Variants in FXR2 observed in about 807,000 individuals in gnomAD.
FXR2 encodes FMR1 autosomal homolog 2.
FXR2 carries 9 observed loss-of-function variants against 87.3 expected under a neutral mutation model. The ratio of observed to expected loss-of-function variants is 0.10; its 90% CI spans 0.06 to 0.18. The LOEUF (loss-of-function observed/expected upper bound fraction) is 0.18. FXR2 is among the 10% of genes least tolerant of loss of function. FXR2 has a pLI of 1.00. For missense variants in FXR2, 661 were observed against 893.6 expected (o/e 0.74, Z 3.32); for synonymous variants, 331 against 328.3 (o/e 1.01, Z -0.09).
Position 7,603,820 on chromosome 17 carries a change from G to C in FXR2, c.386C>G (p.Pro129Arg). ...GAAGAAGCTGCCTTTGGTTGCAAGG[G>C]GATTGGGATTAACTGGCCGAAGTCG... is the stretch of plus-strand genomic sequence containing the variant. ...LERLRPVNPN[P>R]LATKGSFFKV... The change falls in exon 5 of 17, where the codon CCC becomes CGC. Residue 129 changes from proline to arginine, a missense_variant. Around this residue, in one of 3 missense-constraint regions of FXR2, gnomAD observed 170 missense variants for 247.2 expected, o/e 0.69. Coordinates refer to ENST00000250113, the MANE Select transcript of FXR2 (RefSeq NM_004860.4). 1.2e-6 allele frequency: 2 copies of C among 1,613,934 alleles called. No homozygotes were observed. The highest frequency in any genetic ancestry group is 1.7e-6 in the Non-Finnish European group (2 of 1,179,842).
At chr17:7,603,202 T>A (rs1380828742) in intron 5 of FXR2, among the ~76,000 whole-genome samples, 200 bp from the exon 6 acceptor site, 2 of 147,594 alleles carry the variant, frequency 1.4e-5, no homozygotes, top group Non-Finnish European at 3.0e-5. Flanking sequence ...AAAAAAAAAA[T>A]TCAGAGAAGC....
rs2071801030 is a variant in FXR2, at chr17:7,606,123, G to C, written c.108C>G (p.Asp36Glu). The C allele has an allele frequency of 6.5e-7, 1 of 1,546,238 alleles. No homozygotes were observed. Among genetic ancestry groups the C allele is most frequent in the Non-Finnish European group, 8.8e-7 (1 of 1,142,566 alleles). Residue 36 changes from aspartate to glutamate, a missense_variant, in exon 2 of 17, where the codon GAC becomes GAG. Coordinates refer to ENST00000250113, the MANE Select transcript of FXR2 (RefSeq NM_004860.4). Reference protein sequence around the residue: ...YKGFVKDVHEDSVTIFFENNW... With the variant: ...YKGFVKDVHEESVTIFFENNW... ...TGTTTTCAAAGAAGATGGTGACAGAGTCTTCATGGACATCCTTCACAAAGC... is the reference window on the plus strand; with the variant it reads ...TGTTTTCAAAGAAGATGGTGACAGACTCTTCATGGACATCCTTCACAAAGC...
intron 2 of FXR2, 55 bp from the exon 3 acceptor site, chr17:7,605,793 T>C: frequency 9.6e-7 from 1 of 1,040,948 alleles, no homozygotes; most frequent in South Asian, 1.3e-5. Context: ...GGTTGCCCAT[T>C]TCTTTACAAA....
intron 2 of FXR2, 85 bp from the exon 3 acceptor site, chr17:7,605,823 G>A: frequency 1.2e-6 from 1 of 818,246 alleles, no homozygotes; most frequent in Non-Finnish European, 2.1e-6. Flanking sequence ...GCCTCAGCTG[G>A]GCGAGTTCCA....
In FXR2 at chr17:7,593,857, C is replaced by T; in HGVS notation, c.1107+61G>A. ...CAGAGAACCAAAATCCCTGAGCTGA[C>T]CCCCACAGCAGTCTTAGTTCCCTTT... On this transcript the variant is annotated intron_variant, in intron 11 of 16. Transcript: ENST00000250113. The surrounding 1 kb of genome is among the most constrained non-coding windows in gnomAD (Gnocchi z 6.1). 4 of 1,072,522 alleles carry T rather than the reference C, an allele frequency of 3.7e-6. 1 individual carries two copies. Among genetic ancestry groups the T allele is most frequent in the South Asian group, 2.5e-5 (2 of 79,618 alleles). 66.4% of individuals were successfully genotyped at this position (1,072,522 alleles called of 1,614,324 possible).
intron 7 of FXR2, among the ~76,000 whole-genome samples, chr17:7,598,072 G>A (rs2071722352): frequency 6.6e-6 from 1 of 151,810 alleles, no homozygotes; most frequent in South Asian, 2.1e-4. Context: ...TCCAGTTCAA[G>A]TTTCTCACCT....
rs190521854 is a variant in FXR2 at position 7,591,901 on chromosome 17, T to C, written c.1951A>G (p.Lys651Glu). 4,158 of 1,601,496 alleles carry C rather than the reference T, an allele frequency of 2.6e-3. 11 individuals carry two copies. Among genetic ancestry groups the C allele is most frequent in the Non-Finnish European group, 3.2e-3 (3,685 of 1,168,716 alleles). Residue 651 changes from lysine to glutamate, a missense_variant, in exon 17 of 17, where the codon AAG (lysine) becomes GAG (glutamate). Around this residue, in one of 3 missense-constraint regions of FXR2, gnomAD observed 409 missense variants for 432.0 expected, o/e 0.95. Transcript: ENST00000250113. The surrounding 1 kb of genome is among the most constrained non-coding windows in gnomAD (Gnocchi z 4.0). The stretch of plus-strand genomic sequence containing the variant: ...AGCTCCCCATTCTCCGAGGGGCCCT[T>C]AGGAAGCTTGCTGACAGAGTCACCC... ...QKGDSVSKLP[K>E]GPSENGELSA...
Position 7,593,717 on chromosome 17 carries a change from A to C in FXR2, c.1108-92T>G, listed in dbSNP as rs560841216. On this transcript the variant is annotated intron_variant, in intron 11 of 16. Transcript: ENST00000250113. This position sits in a 1 kb window ranked among gnomAD's most constrained non-coding sequence, Gnocchi z 6.1. ...CACCCTGACTGTCCCTCTATATCTA[A>C]CCTCTCAGGAATGCAGGGAGAAGGA... 2 of 936,420 alleles carry C rather than the reference A, an allele frequency of 2.1e-6. No homozygotes were observed. The highest frequency in any genetic ancestry group is 1.6e-5 in the African/African-American group (1 of 61,168). The allele number at this position is 936,420 out of a possible 1,614,324, so 58.0% of individuals were successfully genotyped here.
chr17:7,607,040 C>A (rs1189751853), intron 1 of FXR2, among the ~76,000 whole-genome samples: 1 of 152,154 alleles, frequency 6.6e-6, no homozygotes, highest in African/African-American at 2.4e-5. Flanking sequence ...TTGCCCAGGC[C>A]AGGCACAGTG....
chr17:7,598,346 T>C (rs1250956337), intron 7 of FXR2, among the ~76,000 whole-genome samples: 1 of 152,000 alleles, frequency 6.6e-6, no homozygotes, highest in African/African-American at 2.4e-5. Context: ...TCCCAGCTTC[T>C]CGTGAGGCTG....
chr17:7,597,385 G>A (rs1210841645), intron 7 of FXR2, among the ~76,000 whole-genome samples: 3 of 152,080 alleles, frequency 2.0e-5, no homozygotes, highest in Admixed American at 2.0e-4. Flanking sequence ...AATAAACTAA[G>A]TTGAGTGTTC....
chr17:7,605,642 T>C lies in FXR2; in HGVS notation c.228+3A>G, dbSNP rs781497052. 52 of 1,438,838 alleles carry C rather than the reference T, an allele frequency of 3.6e-5. No homozygotes were observed. Among genetic ancestry groups the C allele is most frequent in the Non-Finnish European group, 4.7e-5 (48 of 1,022,242 alleles). The allele number at this position is 1,438,838 out of a possible 1,614,324, so 89.1% of individuals were successfully genotyped here. A position where few individuals can be genotyped will look rare whatever the true frequency, so the allele number is the denominator to read the frequency against. On this transcript the variant is annotated splice_donor_region_variant and intron_variant, in intron 3 of 16. Transcript: ENST00000250113. The stretch of plus-strand genomic sequence containing the variant: ...TTAGAAAGGTGTACTCCACAGCCCT[T>C]ACCTCCACTTCATCCCCTTCTGTGA...
Position 7,593,916 on chromosome 17 carries a change from A to T in FXR2, c.1107+2T>A. The T allele has an allele frequency of 7.3e-7, 1 of 1,373,864 alleles. No individual in the cohort carries two copies. Among genetic ancestry groups the T allele is most frequent in the Non-Finnish European group, 1.0e-6 (1 of 961,212 alleles). The allele number at this position is 1,373,864 out of a possible 1,614,324, so 85.1% of individuals were successfully genotyped here. ...AGCATTTTTCTCTCCCGGCCTGGGT[A>T]CCTGCAGGTAGGAGAGGTGATACTC... On this transcript the variant is annotated splice_donor_variant, in intron 11 of 16. Transcript: ENST00000250113. LOFTEE classifies it high-confidence loss of function. This position sits in a 1 kb window ranked among gnomAD's most constrained non-coding sequence, Gnocchi z 6.1.
intron 1 of FXR2, among the ~76,000 whole-genome samples, chr17:7,612,116 T>C (rs990765958): frequency 1.3e-5 from 2 of 152,226 alleles, no homozygotes; most frequent in African/African-American, 4.8e-5. Flanking sequence ...ACGTGTCCCT[T>C]CCCAGCCATC....
chr17:7,609,950 G>A (rs1216443705), intron 1 of FXR2, among the ~76,000 whole-genome samples: 1 of 116,524 alleles, frequency 8.6e-6, no homozygotes, highest in African/African-American at 2.8e-5. Context: ...ACATGTATAT[G>A]TATACATATA....
At chr17:7,613,370 A>G (rs534400402) in intron 1 of FXR2, among the ~76,000 whole-genome samples, 1 of 152,172 alleles carries the variant, frequency 6.6e-6, no homozygotes, top group East Asian at 1.9e-4. Context: ...CACAAAGAAA[A>G]ACTCTTGGGA....
intron 6 of FXR2, 42 bp downstream of exon 6, chr17:7,602,867 T>TGTTCAAAAGGCTTATGTGAAATTCAG: frequency 1.1e-6 from 1 of 924,534 alleles, no homozygotes. Context: ...AAAGAAAAAA[T>TGTTCAAAAGGCTTATGTGAAATTCAG]GTTCAAAAGG....
chr17:7,603,852 G>A lies in FXR2; in HGVS notation c.354C>T (p.Thr118=). ...GATTAACTGGCCGAAGTCGCTCCAGGGTAACAATTTCATTGTAGGTGGCAT... is the reference window on the plus strand; with the variant it reads ...GATTAACTGGCCGAAGTCGCTCCAGAGTAACAATTTCATTGTAGGTGGCAT... The part of the protein sequence containing the change: ...ACDATYNEIV[T]LERLRPVNPN... Residue 118 remains threonine (T), a synonymous_variant, in exon 5 of 17, where the codon ACC becomes ACT. Transcript: ENST00000250113. The A allele has an allele frequency of 4.3e-6, 7 of 1,613,704 alleles. No individual in the cohort carries two copies. Among genetic ancestry groups the A allele is most frequent in the Non-Finnish European group, 5.9e-6 (7 of 1,179,724 alleles).
At chr17:7,606,069 G>A in intron 2 of FXR2, 28 bp downstream of exon 2, 1 of 1,429,542 alleles carries the variant, frequency 7.0e-7, no homozygotes, top group Non-Finnish European at 9.6e-7. Context: ...GACCTAGTAT[G>A]CTGGATTCTC....
Sources: gnomAD v4.1 joint callset for allele counts (sites outside exome capture counted in the v4.1 genomes callset) on GRCh38, gnomAD v4.1.1 for gene constraint, gnomAD v4.1.1 regional missense constraint, Gnocchi (gnomAD v3.1) non-coding constraint, MANE v1.5 for transcripts, NCBI Gene and HGNC (gene_info 2026-07-23, HGNC 2026-07-21) for gene names.